The following JMJD1C variants were observed in gnomAD, a reference collection of about 807,000 sequenced individuals.
JMJD1C encodes jumonji domain containing 1C.
Under a neutral mutation model 245.3 loss-of-function variants are expected in JMJD1C, and 31 were observed. That is an observed-to-expected ratio of 0.13 (90% CI 0.09 to 0.17). The LOEUF (loss-of-function observed/expected upper bound fraction) is 0.17. Among genes scored for constraint, JMJD1C ranks in the 10% least tolerant of loss-of-function variants. The pLI, the probability that JMJD1C is intolerant of heterozygous loss-of-function variation, is 1.00. For missense variants in JMJD1C, 2,691 were observed against 3,000.2 expected (o/e 0.90, Z 2.41); for synonymous variants, 1,057 against 1,017.4 (o/e 1.04, Z -0.74).
At chr10:63,172,815 C>A (rs1842497857) in intron 24 of JMJD1C, among the ~76,000 whole-genome samples, 1 of 149,534 alleles carries the variant, frequency 6.7e-6, no homozygotes, top group South Asian at 2.2e-4. Flanking sequence ...AGCACAAAAA[C>A]CCTGGGGGAG....
intron 2 of JMJD1C, among the ~76,000 whole-genome samples, chr10:63,321,906 C>T (rs1940917389): frequency 6.6e-6 from 1 of 152,186 alleles, no homozygotes; most frequent in Non-Finnish European, 1.5e-5. Flanking sequence ...TTTCTTCCAC[C>T]AACCTAGGGG....
chr10:63,403,769 T>A (rs1398341852), intron 1 of JMJD1C, among the ~76,000 whole-genome samples: 1 of 152,118 alleles, frequency 6.6e-6, no homozygotes, highest in African/African-American at 2.4e-5. Flanking sequence ...AAACCCCATC[T>A]CTACTAAAAA....
chr10:63,295,408 A>C (rs1859263752), intron 2 of JMJD1C, among the ~76,000 whole-genome samples: 1 of 152,026 alleles, frequency 6.6e-6, no homozygotes. Flanking sequence ...CTGCATTTAG[A>C]ATTCTGAGGG....
chr10:63,315,418 T>C (rs1224508975), intron 2 of JMJD1C, among the ~76,000 whole-genome samples: 3 of 152,216 alleles, frequency 2.0e-5, no homozygotes, highest in Non-Finnish European at 4.4e-5. Flanking sequence ...TTTTCATCTA[T>C]TGTAACATTC....
At chr10:63,479,825 G>C (rs1193337196) in intron 1 of JMJD1C, among the ~76,000 whole-genome samples, 7 of 152,110 alleles carry the variant, frequency 4.6e-5, no homozygotes, top group African/African-American at 1.7e-4. Context: ...CACTGAGAGT[G>C]ACACAGAAAT....
intron 3 of JMJD1C, among the ~76,000 whole-genome samples, chr10:63,258,980 G>T (rs1243414279): frequency 2.0e-5 from 3 of 152,136 alleles, no homozygotes; most frequent in Non-Finnish European, 4.4e-5. Flanking sequence ...AATAAATACT[G>T]TACCAGGTCA....
intron 13 of JMJD1C, chr10:63,194,634 C>A: frequency 3.0e-6 from 1 of 337,910 alleles, no homozygotes. Context: ...ATAATGATAG[C>A]CTTTCTAAAA....
At chr10:63,482,144 CT>C (rs932731443) in intron 1 of JMJD1C, among the ~76,000 whole-genome samples, 1 of 152,062 alleles carries the variant, frequency 6.6e-6, no homozygotes, top group African/African-American at 2.4e-5. Context: ...ACCTCATTTC[CT>C]TACGACATTG....
intron 2 of JMJD1C, chr10:63,373,022 C>T: frequency 4.2e-6 from 1 of 237,072 alleles, no homozygotes; most frequent in South Asian, 5.3e-5. Context: ...GGAGATGGAG[C>T]CAGGGCCCTA....
intron 22 of JMJD1C, among the ~76,000 whole-genome samples, chr10:63,181,256 G>A (rs1043267847): frequency 1.3e-5 from 2 of 152,134 alleles, no homozygotes; most frequent in Non-Finnish European, 2.9e-5. Flanking sequence ...TTAAAAGCTG[G>A]AAACTTTAAA....
At chr10:63,475,918 T>C (rs1589812462) in intron 1 of JMJD1C, among the ~76,000 whole-genome samples, 1 of 152,206 alleles carries the variant, frequency 6.6e-6, no homozygotes, top group East Asian at 1.9e-4. Context: ...AGATTTAAAG[T>C]TGATAATGGG....
At chr10:63,246,350 A>T (rs1476547366) in intron 3 of JMJD1C, among the ~76,000 whole-genome samples, 1 of 152,140 alleles carries the variant, frequency 6.6e-6, no homozygotes, top group South Asian at 2.1e-4. Flanking sequence ...ATAGAGATTC[A>T]ATTTGGCTCC....
chr10:63,173,336 A>T (rs1043627373), intron 24 of JMJD1C, among the ~76,000 whole-genome samples: 3 of 152,168 alleles, frequency 2.0e-5, no homozygotes, highest in African/African-American at 7.2e-5. Context: ...ATGAGGAGAA[A>T]ATCTGAGTGA....
At chr10:63,321,196 C>T (rs1056954735) in intron 2 of JMJD1C, among the ~76,000 whole-genome samples, 1 of 152,206 alleles carries the variant, frequency 6.6e-6, no homozygotes, top group African/African-American at 2.4e-5. Context: ...CATTTGTATC[C>T]TTTAAAATAT....
intron 22 of JMJD1C, among the ~76,000 whole-genome samples, chr10:63,182,383 A>G (rs1162057083): frequency 1.3e-5 from 2 of 152,238 alleles, no homozygotes; most frequent in Non-Finnish European, 2.9e-5. Context: ...GATACACTGA[A>G]TTATCCAAAT....
rs554064030 is a variant in JMJD1C, at chr10:63,188,884, C to T, written c.6570+284G>A. ...ATCTAAAAAGAGGAGAAAGGAACTG[C>T]ATTTTGTAAATTCAAGGCGTTATTA... On this transcript the variant is annotated intron_variant, in intron 18 of 25. Coordinates refer to ENST00000399262, the MANE Select transcript of JMJD1C (RefSeq NM_032776.3). Among the ~76,000 whole-genome samples, 5 of 152,220 alleles carry T rather than the reference C, an allele frequency of 3.3e-5. No individual in the cohort carries two copies. In the East Asian group the frequency reaches 7.7e-4, roughly 23 times the overall value.
intron 3 of JMJD1C, among the ~76,000 whole-genome samples, chr10:63,242,430 G>GA (rs1851598086): frequency 6.6e-6 from 1 of 152,118 alleles, no homozygotes; most frequent in Non-Finnish European, 1.5e-5. Flanking sequence ...TAGGATACAT[G>GA]AAAAAAGCAG....
chr10:63,469,779 T>TTA (rs945214400), upstream of JMJD1C, among the ~76,000 whole-genome samples: 56 of 152,252 alleles, frequency 3.7e-4, no homozygotes, highest in African/African-American at 1.2e-3. Context: ...AAGTCTTAGA[T>TTA]TATATATATA....
chr10:63,449,789 T>G (rs1353383382), intron 1 of JMJD1C, among the ~76,000 whole-genome samples: 1 of 152,086 alleles, frequency 6.6e-6, no homozygotes, highest in Non-Finnish European at 1.5e-5. Context: ...TATTCATACT[T>G]CCTAAATTAG....
Sources: gnomAD v4.1 joint callset for allele counts (sites outside exome capture counted in the v4.1 genomes callset) on GRCh38, gnomAD v4.1.1 for gene constraint, MANE v1.5 for transcripts, NCBI Gene and HGNC (gene_info 2026-07-23, HGNC 2026-07-21) for gene names.